TTN: variants seen among roughly 807,000 people sequenced by gnomAD.
TTN encodes the protein connectin.
In TTN, 1,525 loss-of-function variants were observed where a neutral mutation model predicts 3,223.0. That is an observed-to-expected ratio of 0.47 (90% CI 0.45 to 0.49). TTN has a LOEUF of 0.49. TTN is among the 20% of genes least tolerant of loss of function. TTN has a pLI of 0.00. For synonymous variants in TTN, 14,094 were observed against 15,161.0 expected (o/e 0.93, Z 5.17); for missense variants, 40,786 against 43,424.0 (o/e 0.94, Z 5.40).
At chr2:178,697,076 A>C (rs1156343378) in intron 113 of TTN, 45 bp downstream of exon 113, 2 of 1,473,032 alleles carry the variant, frequency 1.4e-6, no homozygotes, top group Admixed American at 4.0e-5. Context: ...GCAGAAGTGC[A>C]AATCTCAGGA....
rs890229617 is a variant in TTN, at chr2:178,725,352, G to A, written c.20836+16C>T. The stretch of plus-strand genomic sequence containing the variant: ...AGCATTTGGCACCAGTTTCTATCGT[G>A]GGCTATTGTACCAACCTAAGACCAT... On this transcript the variant is annotated intron_variant, in intron 71 of 362. Transcript: ENST00000589042. The A allele has an allele frequency of 1.4e-6, 2 of 1,466,352 alleles. No individual in the cohort carries two copies. Among genetic ancestry groups the A allele is most frequent in the African/African-American group, 2.8e-5 (2 of 70,664 alleles). The allele number at this position is 1,466,352 out of a possible 1,614,324, so 90.8% of individuals were successfully genotyped here.
At position 178,556,907 on chromosome 2, in the gene TTN, A is replaced by G; in HGVS notation, c.88247T>C (p.Val29416Ala). 1 of 1,613,820 alleles carries G rather than the reference A, an allele frequency of 6.2e-7. No individual in the cohort carries two copies. The highest frequency in any genetic ancestry group is 1.1e-5 in the South Asian group (1 of 91,080). Residue 29416 changes from valine (V) to alanine (A), a missense_variant, in exon 330 of 363, where the codon GTT (valine) becomes GCT (alanine). By Grantham distance (64) the Val-to-Ala change is moderately conservative. Coordinates refer to ENST00000589042, the MANE Select transcript of TTN (RefSeq NM_001267550.2). The stretch of plus-strand genomic sequence containing the variant: ...CTCAGATGGATTGCTAATGGAACCA[A>G]CAGCATTCCTAGCAAAGACACGGAA... ...YEFRVFARNA[V>A]GSISNPSEVV...
At position 178,675,809 on chromosome 2, in the gene TTN, T is replaced by C. The variant is rs1037012760; in HGVS notation, c.34454-55A>G. The C allele has an allele frequency of 8.5e-6, 13 of 1,524,362 alleles. No individual in the cohort carries two copies. In the African/African-American group the frequency reaches 1.5e-4, roughly 18 times the overall value. 94.4% of individuals were successfully genotyped at this position (1,524,362 alleles called of 1,614,324 possible). On this transcript the variant is annotated intron_variant, in intron 148 of 362. Transcript: ENST00000589042. ...TCAGTTTCACACACACAAAGACAAG[T>C]AGACACAGCAGTAATATAAGTTGTA...
rs1687707808 is a variant in TTN at position 178,528,801 on chromosome 2, C to T, written c.106950G>A (p.Glu35650=). ...LNGVELTNSE[E]YRYGVSGSDQ... is the part of the protein sequence containing the mutation. ...CGCTGCCTGAGACACCATATCGGTACTCCTCAGAGTTGGTAAGCTCTACGC... is the reference window on the plus strand; with the variant it reads ...CGCTGCCTGAGACACCATATCGGTATTCCTCAGAGTTGGTAAGCTCTACGC... The change falls in exon 360 of 363, where the codon GAG becomes GAA. Residue 35650 remains glutamate (E), a synonymous_variant. Coordinates refer to ENST00000589042, the MANE Select transcript of TTN (RefSeq NM_001267550.2). 6.2e-7 allele frequency: 1 copy of T among 1,613,222 alleles called. No individual in the cohort carries two copies. Among genetic ancestry groups the T allele is most frequent in the Non-Finnish European group, 8.5e-7 (1 of 1,179,434 alleles).
chr2:178,723,876 C>A lies in TTN; in HGVS notation c.21383G>T (p.Arg7128Leu). Residue 7128 changes from arginine to leucine, a missense_variant, in exon 73 of 363, where the codon CGT (arginine) becomes CTT (leucine). Physicochemically the swap from Arg to Leu is moderately radical, Grantham distance 102. Coordinates refer to ENST00000589042, the MANE Select transcript of TTN (RefSeq NM_001267550.2). ...CTGACCTTGTACAGTTAGCACTGCA[C>A]GACATTCATCAGACCCAGCGACATT... The part of the protein sequence containing the change: ...AANVAGSDEC[R>L]AVLTVQEPPS... 1 of 1,611,414 alleles carries A rather than the reference C, an allele frequency of 6.2e-7. No individual in the cohort carries two copies. The highest frequency in any genetic ancestry group is 8.5e-7 in the Non-Finnish European group (1 of 1,178,138).
chr2:178,572,160 T>C lies in TTN; in HGVS notation c.73972A>G (p.Lys24658Glu). 6.2e-7 allele frequency: 1 copy of C among 1,613,478 alleles called. No individual in the cohort carries two copies. Among genetic ancestry groups the C allele is most frequent in the Non-Finnish European group, 8.5e-7 (1 of 1,179,634 alleles). The part of the protein sequence containing the change: ...ILGYIVEMQT[K>E]GSDKWATCAT... ...CACGTGGCCCATTTGTCACTGCCTT[T>C]GGTCTGCATCTCCACAATGTAGCCT... Residue 24658 changes from lysine to glutamate, a missense_variant, in exon 326 of 363, where the codon AAA becomes GAA. Transcript: ENST00000589042.
Position 178,547,002 on chromosome 2 carries a change from C to T in TTN, c.94522+1G>A. The T allele has an allele frequency of 6.2e-7, 1 of 1,606,646 alleles. No individual in the cohort carries two copies. The highest frequency in any genetic ancestry group is 1.7e-5 in the Admixed American group (1 of 59,660). ...ATATGCCCTTAAATTGTGATACATA[C>T]CAACTGGATTTTGAGCCATTATAGG... is the stretch of plus-strand genomic sequence containing the variant. On this transcript the variant is annotated splice_donor_variant, in intron 340 of 362. Transcript: ENST00000589042. LOFTEE classifies it high-confidence loss of function.
In TTN at chr2:178,531,904, C is replaced by T. The variant is rs780506196; in HGVS notation, c.104711G>A (p.Arg34904Lys). ...CTCATACCTGGAAAAGATATCAAAT[C>T]TTGCAGACCTCTCAAATCTCGAGAG... ...RSLSRFERSA[R>K]FDIFSRYESM... is the part of the protein sequence containing the mutation. Residue 34904 changes from arginine to lysine, a missense_variant, in exon 358 of 363, where the codon AGA becomes AAA. By Grantham distance (26) the Arg-to-Lys change is conservative. Transcript: ENST00000589042. 1.6e-5 allele frequency: 25 copies of T among 1,612,562 alleles called. No individual in the cohort carries two copies. The Admixed American group carries it at 3.8e-4, about 25-fold the overall frequency.
At chr2:178,556,170 C>G (rs1701348035) in intron 330 of TTN, 1 of 152,584 alleles carries the variant, frequency 6.6e-6, no homozygotes, top group South Asian at 2.1e-4. Flanking sequence ...TGGCTCACAC[C>G]TGTAATCCCA....
At chr2:178,685,805 C>A (rs142362463) in intron 127 of TTN, among the ~76,000 whole-genome samples, 3 of 152,238 alleles carry the variant, frequency 2.0e-5, no homozygotes, top group Non-Finnish European at 2.9e-5. Context: ...AAATAGGTTT[C>A]ATTAACTTAA....
Position 178,744,789 on chromosome 2 carries a change from A to G in TTN, c.11312-2868T>C, listed in dbSNP as rs1560950748. 12 of 985,168 alleles carry G rather than the reference A, an allele frequency of 1.2e-5. No homozygotes were observed. In the South Asian group the frequency reaches 5.6e-4, roughly 46 times the overall value. The allele number at this position is 985,168 out of a possible 1,614,324, so 61.0% of individuals were successfully genotyped here. A position where few individuals can be genotyped will look rare whatever the true frequency, so the allele number is the denominator to read the frequency against. On this transcript the variant is annotated intron_variant, in intron 47 of 362. Transcript: ENST00000589042. The stretch of plus-strand genomic sequence containing the variant: ...TCCCTTTTTTCCCCAGGCCAATACT[A>G]AATTATTGCTGCATTTTACACTTGA...
In TTN at chr2:178,584,649, T is replaced by G; in HGVS notation, c.64972+20A>C. ...AAACTAGAAAGAAAACAACTTTTTT[T>G]CTCCTTCACAAAAACATACCAAATG... On this transcript the variant is annotated intron_variant, in intron 310 of 362. Coordinates refer to ENST00000589042, the MANE Select transcript of TTN (RefSeq NM_001267550.2). 2 of 1,610,754 alleles carry G rather than the reference T, an allele frequency of 1.2e-6. No homozygotes were observed. The highest frequency in any genetic ancestry group is 2.7e-5 in the African/African-American group (2 of 74,630).
Position 178,536,304 on chromosome 2 carries a change from T to C in TTN, c.100443A>G (p.Ile33481Met). The change falls in exon 357 of 363, where the codon ATA (isoleucine) becomes ATG (methionine). Residue 33481 changes from isoleucine to methionine, a missense_variant. Transcript: ENST00000589042. ...NLGGESEWSE[I>M]SEPITPKSDV... ...CAGATTTGGGAGTGATGGGTTCTGA[T>C]ATTTCACTCCATTCACTTTCCCCAC... 6.2e-7 allele frequency: 1 copy of C among 1,613,734 alleles called. No individual in the cohort carries two copies. The highest frequency in any genetic ancestry group is 1.1e-5 in the South Asian group (1 of 91,072).
At position 178,561,507 on chromosome 2, in the gene TTN, T is replaced by G. The variant is rs753472730; in HGVS notation, c.84625A>C (p.Ile28209Leu). The change falls in exon 326 of 363, where the codon ATT becomes CTT. Residue 28209 changes from isoleucine (I) to leucine (L), a missense_variant. Coordinates refer to ENST00000589042, the MANE Select transcript of TTN (RefSeq NM_001267550.2). ...GAGACTTTCATTTGAGTATCAGCAA[T>G]GAGGATTTTATTTGCTTTTGACCAA... is the stretch of plus-strand genomic sequence containing the variant. Reference protein sequence around the residue: ...ILWSKANKILIADTQMKVSGL... With the variant: ...ILWSKANKILLADTQMKVSGL... 1.2e-6 allele frequency: 2 copies of G among 1,613,478 alleles called. No homozygotes were observed. The highest frequency in any genetic ancestry group is 3.3e-5 in the Admixed American group (2 of 59,980).
In TTN at chr2:178,591,992, G is replaced by A. The variant is rs886055258; in HGVS notation, c.59912C>T (p.Ala19971Val). The A allele has an allele frequency of 4.3e-6, 7 of 1,612,624 alleles. No individual in the cohort carries two copies. The highest frequency in any genetic ancestry group is 5.1e-6 in the Non-Finnish European group (6 of 1,179,416). Reference protein sequence around the residue: ...PFVETPKPIKALDPLHPPGPP... With the variant: ...PFVETPKPIKVLDPLHPPGPP... ...AAGCAACTTACGGAGAGGATCCAAA[G>A]CCTTGATTGGTTTTGGTGTTTCAAC... Residue 19971 changes from alanine (A) to valine (V), a missense_variant, in exon 302 of 363, where the codon GCT becomes GTT. Ala to Val is a moderately conservative substitution (Grantham distance 64). Coordinates refer to ENST00000589042, the MANE Select transcript of TTN (RefSeq NM_001267550.2).
rs1489026192 is a variant in TTN at position 178,630,120 on chromosome 2, A to G, written c.44281+121T>C. The G allele has an allele frequency of 8.7e-6, 12 of 1,384,780 alleles. 1 individual carries two copies. The African/African-American group carries it at 1.8e-4, about 20-fold the overall frequency. 85.8% of individuals were successfully genotyped at this position (1,384,780 alleles called of 1,614,324 possible). A position where few individuals can be genotyped will look rare whatever the true frequency, so the allele number is the denominator to read the frequency against. ...AATGTCAAAGTGGCAAATACAAGAG[A>G]GCCAGTTTTTGTGTTTTAATAATAT... On this transcript the variant is annotated intron_variant, in intron 239 of 362. Coordinates refer to ENST00000589042, the MANE Select transcript of TTN (RefSeq NM_001267550.2).
chr2:178,567,503 G>A lies in TTN; in HGVS notation c.78629C>T (p.Thr26210Ile). 6.2e-7 allele frequency: 1 copy of A among 1,613,002 alleles called. No homozygotes were observed. The highest frequency in any genetic ancestry group is 8.5e-7 in the Non-Finnish European group (1 of 1,179,456). The change falls in exon 326 of 363, where the codon ACA (threonine) becomes ATA (isoleucine). Residue 26210 changes from threonine (T) to isoleucine (I), a missense_variant. Thr to Ile is a moderately conservative substitution (Grantham distance 89). Coordinates refer to ENST00000589042, the MANE Select transcript of TTN (RefSeq NM_001267550.2). ...ATGGACATCAGCCTCAAGTCTGAAT[G>A]TTTCTCCAGCATTTACCACAATTGT... The part of the protein sequence containing the change: ...RDTIVVNAGE[T>I]FRLEADVHGK...
At chr2:178,651,085 A>G (rs1398682481) in intron 208 of TTN, among the ~76,000 whole-genome samples, 158 bp downstream of exon 208, 1 of 152,130 alleles carries the variant, frequency 6.6e-6, no homozygotes, top group African/African-American at 2.4e-5. Flanking sequence ...TTTAAAGTCA[A>G]TGAAAAAATT....
Position 178,794,501 on chromosome 2 carries a change from GGCA to G in TTN, c.1293_1295del (p.Ala432del), listed in dbSNP as rs751699146. On this transcript the variant is annotated inframe_deletion, in exon 8 of 363. Transcript: ENST00000589042. ...GTTCTCTCACTCTGGCCATATCAAC[GGCA>G]GCAACAACAGTCGCAACAGCTGCAC... 1 of 1,614,128 alleles carries G rather than the reference GGCA, an allele frequency of 6.2e-7. No individual in the cohort carries two copies. Among genetic ancestry groups the G allele is most frequent in the African/African-American group, 1.3e-5 (1 of 75,022 alleles).
Sources: gnomAD v4.1 joint callset for allele counts (sites outside exome capture counted in the v4.1 genomes callset) on GRCh38, gnomAD v4.1.1 for gene constraint, MANE v1.5 for transcripts, NCBI Gene and HGNC (gene_info 2026-07-23, HGNC 2026-07-21) for gene names.